The following CCDC192 variants were observed in gnomAD, a reference collection of about 807,000 sequenced individuals.
CCDC192 encodes the protein coiled-coil domain containing 192, also known as coiled-coil domain-containing protein 192.
rs188529417 is a variant in CCDC192, at chr5:127,912,073, C to A, written c.536-29109C>A. Among the ~76,000 whole-genome samples the A allele has an allele frequency of 2.9e-3, 447 of 151,650 alleles. 2 individuals are homozygous for A. Among genetic ancestry groups the A allele is most frequent in the African/African-American group, 0.01 (416 of 41,386 alleles). On this transcript the variant is annotated intron_variant, in intron 6 of 6. Coordinates refer to ENST00000514853, the MANE Select transcript of CCDC192 (RefSeq NM_001317938.2). ...AGCAGCTGGGACTACAAGCTCACAT[C>A]ACCATGCCCAGCTAATTTTTTTTTT...
At chr5:127,839,221 T>C (rs1217388495) in intron 5 of CCDC192, among the ~76,000 whole-genome samples, 1 of 152,208 alleles carries the variant, frequency 6.6e-6, no homozygotes, top group Admixed American at 6.5e-5. Flanking sequence ...AAACTAAGTG[T>C]TAAATTACAG....
intron 6 of CCDC192, among the ~76,000 whole-genome samples, chr5:127,908,990 T>G (rs147257117): frequency 7.2e-4 from 110 of 152,298 alleles, no homozygotes; most frequent in African/African-American, 2.6e-3. Context: ...ATTGTTCAAT[T>G]TATAGTGTAT....
intron 6 of CCDC192, among the ~76,000 whole-genome samples, chr5:127,905,499 C>G (rs1753170548): frequency 6.6e-6 from 1 of 152,182 alleles, no homozygotes; most frequent in Non-Finnish European, 1.5e-5. Context: ...CTGTCATTGA[C>G]TGGTAATGCT....
chr5:127,895,585 A>T (rs907726574), intron 6 of CCDC192, among the ~76,000 whole-genome samples: 2 of 152,232 alleles, frequency 1.3e-5, no homozygotes, highest in Non-Finnish European at 2.9e-5. Flanking sequence ...CACTCCTGTA[A>T]TCCCAGCACT....
rs544353295 is a variant in CCDC192 at position 127,780,909 on chromosome 5, C to G, written c.223-16194C>G. Among the ~76,000 whole-genome samples the G allele has an allele frequency of 2.0e-5, 3 of 152,260 alleles. No individual in the cohort carries two copies. In the South Asian group the frequency reaches 6.2e-4, roughly 32 times the overall value. On this transcript the variant is annotated intron_variant, in intron 3 of 6. Transcript: ENST00000514853. ...ATGAAATCCTTGCCTAGGCTAATGT[C>G]TAGAAGGGTTTTTCCAATGTTATCT...
At chr5:127,919,832 C>G (rs1753657593) in intron 6 of CCDC192, among the ~76,000 whole-genome samples, 1 of 152,198 alleles carries the variant, frequency 6.6e-6, no homozygotes, top group Non-Finnish European at 1.5e-5. Context: ...CCTCTGTGTC[C>G]CTCTGTCCCT....
rs574060939 is a variant in CCDC192, at chr5:127,881,020, T to C, written c.535+5359T>C. Among the ~76,000 whole-genome samples, 5 of 152,224 alleles carry C rather than the reference T, an allele frequency of 3.3e-5. No homozygotes were observed. In the East Asian group the frequency reaches 9.6e-4, roughly 29 times the overall value. On this transcript the variant is annotated intron_variant, in intron 6 of 6. Coordinates refer to ENST00000514853, the MANE Select transcript of CCDC192 (RefSeq NM_001317938.2). ...ATATAGATACATACATACAGTGTAA[T>C]ACTTAATGAGCAACCCATACCATGG... is the stretch of plus-strand genomic sequence containing the variant.
intron 3 of CCDC192, chr5:127,785,920 C>G: frequency 2.3e-6 from 1 of 444,424 alleles, no homozygotes. Context: ...CAAGGCAATG[C>G]ATTTTTTATG....
intron 5 of CCDC192, among the ~76,000 whole-genome samples, chr5:127,801,768 A>G (rs2126980145): frequency 6.6e-6 from 1 of 152,314 alleles, no homozygotes; most frequent in African/African-American, 2.4e-5. Flanking sequence ...ATTAAATTTA[A>G]CAGAGTTCAT....
At chr5:127,884,502 A>G (rs1205441867) in intron 6 of CCDC192, among the ~76,000 whole-genome samples, 1 of 151,946 alleles carries the variant, frequency 6.6e-6, no homozygotes, top group Non-Finnish European at 1.5e-5. Flanking sequence ...ACATTAATTC[A>G]CACCCAACTC....
intron 5 of CCDC192, among the ~76,000 whole-genome samples, chr5:127,833,087 A>T (rs2127046799): frequency 6.6e-6 from 1 of 152,302 alleles, no homozygotes; most frequent in East Asian, 1.9e-4. Flanking sequence ...TGTAGCTCTT[A>T]TTCAGAAAAT....
chr5:127,764,911 G>A (rs577208750), intron 3 of CCDC192, among the ~76,000 whole-genome samples: 34 of 152,244 alleles, frequency 2.2e-4, no homozygotes, highest in Middle Eastern at 3.4e-3. Context: ...AGTCCCTGGA[G>A]CTTCAGGGAG....
chr5:127,929,416 TG>T (rs993776935), intron 6 of CCDC192, among the ~76,000 whole-genome samples: 4 of 152,054 alleles, frequency 2.6e-5, no homozygotes, highest in African/African-American at 9.7e-5. Flanking sequence ...AAATGAGGGA[TG>T]GGGTGAAATT....
chr5:127,790,004 C>G (rs1010509379), intron 3 of CCDC192, among the ~76,000 whole-genome samples: 1 of 152,228 alleles, frequency 6.6e-6, no homozygotes, highest in Non-Finnish European at 1.5e-5. Context: ...TCTGCAGAGC[C>G]TTTGGGCATA....
chr5:127,871,290 T>TA (rs891628173), intron 5 of CCDC192, among the ~76,000 whole-genome samples: 1 of 152,220 alleles, frequency 6.6e-6, no homozygotes, highest in African/African-American at 2.4e-5. Flanking sequence ...ACTTAATTTC[T>TA]AAAAAAAGAA....
intron 5 of CCDC192, among the ~76,000 whole-genome samples, chr5:127,873,248 A>G (rs1272631862): frequency 1.3e-5 from 2 of 152,238 alleles, no homozygotes; most frequent in Non-Finnish European, 2.9e-5. Flanking sequence ...ACATATCTGC[A>G]TATGAATAGT....
chr5:127,733,003 T>C (rs1366262519), intron 2 of CCDC192, among the ~76,000 whole-genome samples: 1 of 152,108 alleles, frequency 6.6e-6, no homozygotes, highest in Non-Finnish European at 1.5e-5. Context: ...GAACTTAAAA[T>C]AAAATAATAC....
intron 2 of CCDC192, among the ~76,000 whole-genome samples, chr5:127,751,884 C>T (rs902650634): frequency 3.3e-5 from 5 of 152,114 alleles, no homozygotes; most frequent in African/African-American, 1.2e-4. Context: ...ATTGCTGATA[C>T]CCTTTCTTCC....
At chr5:127,789,427 C>A (rs969849750) in intron 3 of CCDC192, among the ~76,000 whole-genome samples, 3 of 152,172 alleles carry the variant, frequency 2.0e-5, no homozygotes, top group Non-Finnish European at 4.4e-5. Flanking sequence ...TCATTGGAAT[C>A]CAGAGGAAAG....
Sources: gnomAD v4.1 joint callset for allele counts (sites outside exome capture counted in the v4.1 genomes callset) on GRCh38, gnomAD v4.1.1 for gene constraint, MANE v1.5 for transcripts, NCBI Gene and HGNC (gene_info 2026-07-23, HGNC 2026-07-21) for gene names.